Variants in RPN2 observed in about 807,000 individuals in gnomAD.
RPN2 encodes the protein dolichyl-diphosphooligosaccharide--protein glycosyltransferase subunit 2.
A neutral mutation model predicts 71.4 loss-of-function variants in RPN2; 29 were observed. The ratio of observed to expected loss-of-function variants is 0.41; its 90% confidence interval spans 0.30 to 0.55. The LOEUF is 0.55. Among genes scored for constraint, RPN2 ranks in the 20% least tolerant of loss-of-function variants. The pLI, the probability that RPN2 is intolerant of heterozygous loss-of-function variation, is 0.35. For missense variants in RPN2, 726 were observed against 774.1 expected (o/e 0.94, Z 0.74); for synonymous variants, 308 against 305.0 (o/e 1.01, Z -0.10).
intron 2 of RPN2, among the ~76,000 whole-genome samples, chr20:37,190,263 C>T (rs2067112492): frequency 6.6e-6 from 1 of 152,100 alleles, no homozygotes. Context: ...CACAAGTTTG[C>T]GGGATGTTGG....
At chr20:37,198,532 T>G in intron 3 of RPN2, 40 bp downstream of exon 3, 1 of 1,613,880 alleles carries the variant, frequency 6.2e-7, no homozygotes, top group East Asian at 2.2e-5. Flanking sequence ...CTTTAACTAT[T>G]TAAAGTACAT....
chr20:37,194,255 ATTGTTG>A (rs71843863), intron 2 of RPN2, among the ~76,000 whole-genome samples: 3,377 of 150,180 alleles, frequency 0.022, 54 homozygotes, highest in Middle Eastern at 0.034. Context: ...GTTGAGGGAA[ATTGTTG>A]TTGTTGTTGT....
intron 2 of RPN2, among the ~76,000 whole-genome samples, chr20:37,192,983 T>C (rs1411414867): frequency 6.6e-6 from 1 of 152,018 alleles, no homozygotes; most frequent in Non-Finnish European, 1.5e-5. Flanking sequence ...AAAAAAATTA[T>C]CTGGTGTAGT....
At chr20:37,207,210 G>T (rs2146596319) in intron 6 of RPN2, 63 bp from the exon 7 acceptor site, 1 of 1,337,318 alleles carries the variant, frequency 7.5e-7, no homozygotes, top group Admixed American at 1.7e-5. Context: ...TTCCTCTACA[G>T]CAGTGGCCCT....
At chr20:37,219,301 T>C (rs1397958706) in intron 9 of RPN2, among the ~76,000 whole-genome samples, 1 of 152,252 alleles carries the variant, frequency 6.6e-6, no homozygotes, top group African/African-American at 2.4e-5. Context: ...ATGTGCTTAT[T>C]GGTCTCTTGC....
chr20:37,214,436 T>G (rs1294716615), intron 9 of RPN2, among the ~76,000 whole-genome samples: 1 of 152,226 alleles, frequency 6.6e-6, no homozygotes, highest in Non-Finnish European at 1.5e-5. Flanking sequence ...AAGAGGTAGT[T>G]CACCTTAGTA....
At chr20:37,193,043 G>T (rs528411419) in intron 2 of RPN2, among the ~76,000 whole-genome samples, 2 of 152,262 alleles carry the variant, frequency 1.3e-5, no homozygotes, top group East Asian at 3.9e-4. Context: ...ATGGAGGATC[G>T]CTGGAGCCCA....
chr20:37,210,234 T>A, intron 8 of RPN2, 69 bp downstream of exon 8: 1 of 1,604,646 alleles, frequency 6.2e-7, no homozygotes, highest in Non-Finnish European at 8.5e-7. Flanking sequence ...GCAGCCAGTG[T>A]AACAGATTAA....
chr20:37,186,381 G>A (rs1470966424), intron 2 of RPN2, among the ~76,000 whole-genome samples: 1 of 152,340 alleles, frequency 6.6e-6, no homozygotes. Flanking sequence ...CTCCAAATCT[G>A]TAGGGACTTT....
chr20:37,183,974 T>A (rs2066941614), intron 1 of RPN2, among the ~76,000 whole-genome samples: 1 of 152,178 alleles, frequency 6.6e-6, no homozygotes, highest in Non-Finnish European at 1.5e-5. Context: ...CTTTAGATGC[T>A]TGGAGGCTGC....
chr20:37,235,845 T>G (rs2068372793), intron 15 of RPN2, among the ~76,000 whole-genome samples: 1 of 152,006 alleles, frequency 6.6e-6, no homozygotes, highest in Admixed American at 6.6e-5. Context: ...AGAGAGGGTT[T>G]CACCATGTTG....
At chr20:37,229,479 G>A (rs1445371160) in intron 12 of RPN2, among the ~76,000 whole-genome samples, 1 of 152,146 alleles carries the variant, frequency 6.6e-6, no homozygotes, top group Non-Finnish European at 1.5e-5. Context: ...AGGTAGCAGA[G>A]GCCAAATTGC....
intron 9 of RPN2, among the ~76,000 whole-genome samples, chr20:37,221,086 G>C (rs2146652340): frequency 6.6e-6 from 1 of 152,282 alleles, no homozygotes; most frequent in Admixed American, 6.5e-5. Context: ...AGCTGGCCTT[G>C]GTGGCCAGTT....
chr20:37,225,349 C>T (rs1209152021), intron 10 of RPN2, among the ~76,000 whole-genome samples: 1 of 152,236 alleles, frequency 6.6e-6, no homozygotes, highest in Non-Finnish European at 1.5e-5. Context: ...CCCGGCTCTC[C>T]TGTGTGCCTG....
At chr20:37,228,401 C>G (rs2146679937) in intron 11 of RPN2, 149 bp from the exon 12 acceptor site, 1 of 760,818 alleles carries the variant, frequency 1.3e-6, no homozygotes, top group Non-Finnish European at 2.2e-6. Flanking sequence ...ATGGCCACTC[C>G]TTCTACTCTC....
Position 37,184,256 on chromosome 20 carries a change from C to G in RPN2, c.90C>G (p.Thr30=), listed in dbSNP as rs2066953444. Residue 30 remains threonine (T), a synonymous_variant, in exon 2 of 17, where the codon ACC becomes ACG. Transcript: ENST00000237530. ...TWALTPTHYL[T]KHDVERLKAS... ...CTCTGACGCCCACTCACTACCTCAC[C>G]AAGCATGACGTGGAGAGACTAAAAG... 1 of 1,614,080 alleles carries G rather than the reference C, an allele frequency of 6.2e-7. No individual in the cohort carries two copies. The highest frequency in any genetic ancestry group is 1.3e-5 in the African/African-American group (1 of 74,938).
In RPN2 at chr20:37,213,749, A is replaced by G. The variant is rs1423174531; in HGVS notation, c.987-11A>G. 6.2e-7 allele frequency: 1 copy of G among 1,602,752 alleles called. No individual in the cohort carries two copies. Among genetic ancestry groups the G allele is most frequent in the East Asian group, 2.2e-5 (1 of 44,820 alleles). The stretch of plus-strand genomic sequence containing the variant: ...CTGAGTTCTTGCTAAGCCCATTGTC[A>G]TTCTTAACAGGGATGTTTTTGAACT... On this transcript the variant is annotated splice_polypyrimidine_tract_variant and intron_variant, in intron 8 of 16. Coordinates refer to ENST00000237530, the MANE Select transcript of RPN2 (RefSeq NM_002951.5).
At chr20:37,221,297 G>T (rs1216175537) in intron 9 of RPN2, among the ~76,000 whole-genome samples, 2 of 150,714 alleles carry the variant, frequency 1.3e-5, no homozygotes, top group Non-Finnish European at 2.9e-5. Flanking sequence ...CTGGGTTCAA[G>T]CCATTTTCCT....
intron 7 of RPN2, among the ~76,000 whole-genome samples, chr20:37,208,397 A>G (rs1392947224): frequency 6.6e-6 from 1 of 151,758 alleles, no homozygotes. Context: ...TTTCTTTTTC[A>G]TATTTTTTTG....
Sources: allele counts gnomAD v4.1 joint callset (sites outside exome capture counted in the v4.1 genomes callset), GRCh38; gene constraint gnomAD v4.1.1; transcripts MANE v1.5; gene names NCBI Gene and HGNC (gene_info 2026-07-23, HGNC 2026-07-21).